PTPRN2: variants seen among roughly 807,000 people sequenced by gnomAD.
PTPRN2 encodes the protein protein tyrosine phosphatase receptor type N2.
PTPRN2 carries 74 observed loss-of-function variants against 118.8 expected under a neutral mutation model. The ratio of observed to expected loss-of-function variants is 0.62; its 90% CI spans 0.52 to 0.76. The LOEUF (loss-of-function observed/expected upper bound fraction) is 0.76, where lower values mean the gene tolerates loss of function less well. Among genes scored for constraint, PTPRN2 ranks in the 30% least tolerant of loss-of-function variants. The pLI is 0.00. For missense variants in PTPRN2, 1,481 were observed against 1,394.4 expected, an observed-to-expected ratio of 1.06 and a Z score of -0.99; for synonymous variants, 641 against 608.0, an observed-to-expected ratio of 1.05 and a Z score of -0.80.
intron 2 of PTPRN2, among the ~76,000 whole-genome samples, chr7:158,409,593 G>A (rs1222369335): frequency 6.6e-6 from 1 of 152,210 alleles, no homozygotes; most frequent in Non-Finnish European, 1.5e-5. Flanking sequence ...TCCGGCAGGA[G>A]AATTTACGAA....
chr7:158,149,458 C>A (rs1820691656), intron 6 of PTPRN2, among the ~76,000 whole-genome samples: 1 of 148,046 alleles, frequency 6.8e-6, no homozygotes, highest in Non-Finnish European at 1.5e-5. Context: ...AAAAAAAAAT[C>A]CTTATTTTTA....
chr7:157,957,793 T>C (rs2128807247), intron 11 of PTPRN2, among the ~76,000 whole-genome samples: 1 of 152,264 alleles, frequency 6.6e-6, no homozygotes, highest in South Asian at 2.1e-4. Flanking sequence ...ACTGGTTTGA[T>C]GGATAAATTT....
chr7:158,362,746 G>C (rs1033318716), intron 2 of PTPRN2, among the ~76,000 whole-genome samples: 11 of 152,158 alleles, frequency 7.2e-5, no homozygotes, highest in Non-Finnish European at 1.5e-4. Context: ...CAGGGAACTC[G>C]AGTCCAGATG....
chr7:157,606,383 C>G (rs1397180265), intron 15 of PTPRN2, among the ~76,000 whole-genome samples: 1 of 152,204 alleles, frequency 6.6e-6, no homozygotes, highest in Non-Finnish European at 1.5e-5. Context: ...CCGCGTGGAA[C>G]AGGATGCCCA....
chr7:158,564,475 C>T (rs932265850), intron 1 of PTPRN2, among the ~76,000 whole-genome samples: 1 of 152,246 alleles, frequency 6.6e-6, no homozygotes, highest in Non-Finnish European at 1.5e-5. Context: ...TCACCAACAC[C>T]AGCAAGGCCA....
At chr7:158,408,309 T>C (rs1252468788) in intron 2 of PTPRN2, among the ~76,000 whole-genome samples, 3 of 152,256 alleles carry the variant, frequency 2.0e-5, no homozygotes, top group African/African-American at 7.2e-5. Flanking sequence ...TATTTTTCAA[T>C]TTAATAAGCC....
At chr7:158,108,393 T>C (rs1815867094) in intron 10 of PTPRN2, among the ~76,000 whole-genome samples, 1 of 152,150 alleles carries the variant, frequency 6.6e-6, no homozygotes, top group South Asian at 2.1e-4. Flanking sequence ...GTTCACCCTG[T>C]AGGGTCCTCT....
At chr7:157,811,369 T>C (rs2151117794) in intron 12 of PTPRN2, among the ~76,000 whole-genome samples, 1 of 147,368 alleles carries the variant, frequency 6.8e-6, no homozygotes, top group East Asian at 2.0e-4. Flanking sequence ...TGCACACACA[T>C]GTATGTTTTA....
chr7:158,284,703 C>A (rs1372641337), intron 3 of PTPRN2, among the ~76,000 whole-genome samples: 1 of 152,206 alleles, frequency 6.6e-6, no homozygotes, highest in East Asian at 1.9e-4. Context: ...GTCCCCTCTA[C>A]CCACACCTCC....
In PTPRN2 at chr7:157,929,688, A is replaced by T. The variant is rs1157050296; in HGVS notation, c.1724-30951T>A. Among the ~76,000 whole-genome samples, 6 of 121,004 alleles carry T rather than the reference A, an allele frequency of 5.0e-5. No homozygotes were observed. The highest frequency in any genetic ancestry group is 8.3e-5 in the Non-Finnish European group (5 of 60,088). 79.4% of individuals were successfully genotyped at this position (121,004 alleles called of 152,430 possible). A position where few individuals can be genotyped will look rare whatever the true frequency, so the allele number is the denominator to read the frequency against. ...CAGCCTCCTCTGTCTCTACTGTAAG[A>T]CTTCCCTGTCCCTCGGGTGGGGGCG... On this transcript the variant is annotated intron_variant, in intron 11 of 22. Transcript: ENST00000389418. The surrounding 1 kb of genome is among the most constrained non-coding windows in gnomAD (Gnocchi z 4.4).
At chr7:158,508,256 A>G (rs75851503) in intron 1 of PTPRN2, among the ~76,000 whole-genome samples, 1,720 of 152,330 alleles carry the variant, frequency 0.011, 29 homozygotes, top group East Asian at 0.034. Flanking sequence ...AGGAGATGAC[A>G]CTGTGGTCAT....
intron 12 of PTPRN2, among the ~76,000 whole-genome samples, chr7:157,765,024 CCATCCATCATGCACT>C: frequency 6.6e-6 from 1 of 151,602 alleles, no homozygotes; most frequent in East Asian, 2.0e-4. Context: ...TTCCATCCAT[CCATCCATCATGCACT>C]CATCCATCCC....
chr7:157,833,646 A>G (rs941779210), intron 12 of PTPRN2, among the ~76,000 whole-genome samples: 9 of 152,278 alleles, frequency 5.9e-5, no homozygotes, highest in African/African-American at 2.2e-4. Context: ...ATGATGGTAA[A>G]CTTGATGGAG....
chr7:158,143,130 C>T (rs554183306), intron 6 of PTPRN2, among the ~76,000 whole-genome samples: 163 of 152,274 alleles, frequency 1.1e-3, no homozygotes, highest in Non-Finnish European at 1.8e-3. Context: ...TTATCTCGCT[C>T]GTCCACGTCC....
At chr7:157,768,362 C>T (rs1010464895) in intron 12 of PTPRN2, among the ~76,000 whole-genome samples, 14 of 152,208 alleles carry the variant, frequency 9.2e-5, no homozygotes, top group African/African-American at 2.2e-4. Flanking sequence ...GCACAGCACA[C>T]GGGCAGAACC....
intron 11 of PTPRN2, among the ~76,000 whole-genome samples, chr7:157,968,717 G>A (rs1006316324): frequency 6.6e-6 from 1 of 152,104 alleles, no homozygotes; most frequent in Non-Finnish European, 1.5e-5. Context: ...CAGCCTAGAA[G>A]GGTTTGTGTT....
rs113457330 is a variant in PTPRN2 at position 157,733,559 on chromosome 7, G to T, written c.1789-50622C>A. Among the ~76,000 whole-genome samples, 16 of 7,268 alleles carry T rather than the reference G, an allele frequency of 2.2e-3. 1 individual carries two copies. The highest frequency in any genetic ancestry group is 0.014 in the African/African-American group (12 of 848). The allele number at this position is 7,268 out of a possible 152,430, so 4.8% of individuals were successfully genotyped here. On this transcript the variant is annotated intron_variant, in intron 12 of 22. Coordinates refer to ENST00000389418, the MANE Select transcript of PTPRN2 (RefSeq NM_002847.5). Reference sequence around the variant, plus strand: ...CATGCGCCCAGCACAGTTACTCTTTGCCGTCCCATGCGCCCAGCACAGTTA... The same window carrying T: ...CATGCGCCCAGCACAGTTACTCTTTTCCGTCCCATGCGCCCAGCACAGTTA...
At chr7:158,081,577 T>G (rs1433872000) in intron 10 of PTPRN2, among the ~76,000 whole-genome samples, 200 bp from the exon 11 acceptor site, 6 of 152,328 alleles carry the variant, frequency 3.9e-5, no homozygotes, top group East Asian at 3.9e-4. Context: ...ATTCCGTTTT[T>G]GGGCTTTGCT....
intron 2 of PTPRN2, among the ~76,000 whole-genome samples, chr7:158,317,480 C>A (rs548112347): frequency 6.6e-6 from 1 of 152,222 alleles, no homozygotes; most frequent in African/African-American, 2.4e-5. Context: ...CTAATGGGGA[C>A]TAATTTATTT....
Sources: allele counts gnomAD v4.1 joint callset (sites outside exome capture counted in the v4.1 genomes callset), GRCh38; gene constraint gnomAD v4.1.1; non-coding constraint Gnocchi (gnomAD v3.1); transcripts MANE v1.5; gene names NCBI Gene and HGNC (gene_info 2026-07-23, HGNC 2026-07-21).